The following GRAMD1B variants were observed in gnomAD, a reference collection of about 807,000 sequenced individuals.
GRAMD1B encodes the protein protein Aster-B.
Under a neutral mutation model 99.7 loss-of-function variants are expected in GRAMD1B, and 37 were observed. That is an observed-to-expected ratio of 0.37 (90% CI 0.29 to 0.49). The LOEUF (loss-of-function observed/expected upper bound fraction) is 0.49. Among genes scored for constraint, GRAMD1B ranks in the 20% least tolerant of loss-of-function variants. The pLI is 0.98. For missense variants in GRAMD1B, 888 were observed against 1,009.2 expected (o/e 0.88, Z 1.63); for synonymous variants, 427 against 387.6 (o/e 1.10, Z -1.19).
chr11:123,498,431 C>T (rs560724339), intron 2 of GRAMD1B, among the ~76,000 whole-genome samples: 5 of 152,354 alleles, frequency 3.3e-5, no homozygotes, highest in African/African-American at 9.6e-5. Flanking sequence ...GGAGGGGAGG[C>T]GCTGGTGATT....
intron 1 of GRAMD1B, among the ~76,000 whole-genome samples, chr11:123,364,051 A>G (rs1051457235): frequency 2.0e-5 from 3 of 152,216 alleles, no homozygotes; most frequent in African/African-American, 7.2e-5. Flanking sequence ...TCTCACTGCC[A>G]TGCACGTGTT....
chr11:123,620,396 C>T (rs1445689263), intron 19 of GRAMD1B, among the ~76,000 whole-genome samples: 1 of 132,688 alleles, frequency 7.5e-6, no homozygotes, highest in Non-Finnish European at 1.5e-5. Context: ...ATTGCTTGAA[C>T]CTGGGAGGTG....
intron 1 of GRAMD1B, among the ~76,000 whole-genome samples, chr11:123,365,868 C>A (rs1017832098): frequency 1.3e-5 from 2 of 152,182 alleles, no homozygotes; most frequent in African/African-American, 4.8e-5. Context: ...TAACTATGAT[C>A]TCCCTCCTTT....
At chr11:123,451,911 G>A (rs12574150) in intron 1 of GRAMD1B, among the ~76,000 whole-genome samples, 20,181 of 152,072 alleles carry the variant, frequency 0.13, 1,780 homozygotes, top group East Asian at 0.34. Context: ...ATAGCTCACT[G>A]CAGCCTCTAA....
intron 2 of GRAMD1B, among the ~76,000 whole-genome samples, chr11:123,563,588 T>A (rs1947038326): frequency 6.6e-6 from 1 of 151,746 alleles, no homozygotes; most frequent in Non-Finnish European, 1.5e-5. Context: ...GTCGGCTCAC[T>A]GCAACCTCTG....
In GRAMD1B at chr11:123,568,440, T is replaced by G. The variant is rs1467218791; in HGVS notation, c.453-8927T>G. Among the ~76,000 whole-genome samples the G allele has an allele frequency of 2.0e-5, 3 of 152,208 alleles. No individual in the cohort carries two copies. The East Asian group carries it at 5.8e-4, about 29-fold the overall frequency. On this transcript the variant is annotated intron_variant, in intron 2 of 19. Transcript: ENST00000635736. Reference sequence around the variant, plus strand: ...GGGCAGATCCTGTCCCTGAACACCTTGTACACTTCACCCAAGATCCCCATT... The same window carrying G: ...GGGCAGATCCTGTCCCTGAACACCTGGTACACTTCACCCAAGATCCCCATT...
intron 1 of GRAMD1B, among the ~76,000 whole-genome samples, chr11:123,398,285 C>T (rs754798837): frequency 5.3e-5 from 8 of 152,192 alleles, no homozygotes; most frequent in Non-Finnish European, 1.0e-4. Flanking sequence ...TTCAAGAAGG[C>T]ACTGGTGAGG....
At chr11:123,475,022 A>G (rs989771246) in intron 1 of GRAMD1B, among the ~76,000 whole-genome samples, 2 of 152,098 alleles carry the variant, frequency 1.3e-5, no homozygotes, top group Non-Finnish European at 2.9e-5. Flanking sequence ...GAAGAGAAAG[A>G]GCTGTTTCTC....
intron 1 of GRAMD1B, among the ~76,000 whole-genome samples, chr11:123,440,459 A>G (rs1044977727): frequency 6.6e-6 from 1 of 152,190 alleles, no homozygotes; most frequent in Non-Finnish European, 1.5e-5. Flanking sequence ...CAGTGACCCA[A>G]GATAGCGCCA....
intron 1 of GRAMD1B, among the ~76,000 whole-genome samples, chr11:123,409,190 G>T (rs1008452333): frequency 6.6e-6 from 1 of 152,130 alleles, no homozygotes; most frequent in Non-Finnish European, 1.5e-5. Context: ...TGATAATTAT[G>T]GTAATTTGGA....
intron 3 of GRAMD1B, among the ~76,000 whole-genome samples, chr11:123,579,695 C>T (rs969676241): frequency 6.6e-6 from 1 of 152,110 alleles, no homozygotes; most frequent in Non-Finnish European, 1.5e-5. Context: ...GCATCAGGCT[C>T]CCCACTCCCT....
intron 14 of GRAMD1B, among the ~76,000 whole-genome samples, chr11:123,611,126 C>A (rs139458435): frequency 6.6e-6 from 1 of 152,284 alleles, no homozygotes; most frequent in Non-Finnish European, 1.5e-5. Flanking sequence ...GCACAGAGAT[C>A]TCTTGGGCTT....
Position 123,600,548 on chromosome 11 carries a change from G to A in GRAMD1B, c.1050G>A (p.Lys350=), listed in dbSNP as rs1951816610. 5 of 1,605,010 alleles carry A rather than the reference G, an allele frequency of 3.1e-6. No homozygotes were observed. The highest frequency in any genetic ancestry group is 1.3e-5 in the African/African-American group (1 of 74,856). Residue 350 remains lysine (K), a splice_region_variant and synonymous_variant, in exon 8 of 20, where the codon AAG becomes AAA. Transcript: ENST00000635736. ...TCTGGCAGAATGCTCTCCTTGAAAA[G>A]GTAAGTACGGCCGAGTTTGCTTTTA... ...FRLWQNALLE[K]PLCPKELWHF...
intron 4 of GRAMD1B, among the ~76,000 whole-genome samples, chr11:123,584,687 A>C (rs1201845000): frequency 6.6e-6 from 1 of 152,076 alleles, no homozygotes; most frequent in African/African-American, 2.4e-5. Context: ...GCCTGAACTT[A>C]GTTTTCTTCC....
chr11:123,472,374 G>A (rs995188165), intron 1 of GRAMD1B, among the ~76,000 whole-genome samples: 3 of 152,198 alleles, frequency 2.0e-5, no homozygotes, highest in Non-Finnish European at 4.4e-5. Context: ...CTGGAGTGCA[G>A]TGGTGTGATA....
intron 3 of GRAMD1B, among the ~76,000 whole-genome samples, chr11:123,582,319 G>A (rs901982516): frequency 9.2e-5 from 14 of 152,240 alleles, no homozygotes; most frequent in African/African-American, 3.4e-4. Context: ...GGTAGCCTTG[G>A]CTGCAATGCC....
chr11:123,564,954 T>A (rs1947181261), intron 2 of GRAMD1B, among the ~76,000 whole-genome samples: 1 of 152,236 alleles, frequency 6.6e-6, no homozygotes, highest in African/African-American at 2.4e-5. Context: ...GCTTCTGAAA[T>A]ACTTTGGGTG....
At chr11:123,361,296 C>T (rs1301257411) in intron 1 of GRAMD1B, among the ~76,000 whole-genome samples, 1 of 152,210 alleles carries the variant, frequency 6.6e-6, no homozygotes, top group Non-Finnish European at 1.5e-5. Flanking sequence ...TCTGCAGCTG[C>T]ACTCCAGAGG....
In GRAMD1B at chr11:123,626,075, T is replaced by C. The variant is rs1225342797; in HGVS notation, c.*3480T>C. The C allele has an allele frequency of 6.6e-6, 1 of 152,238 alleles. No individual in the cohort carries two copies. Among genetic ancestry groups the C allele is most frequent in the Non-Finnish European group, 1.5e-5 (1 of 68,066 alleles). 9.4% of individuals were successfully genotyped at this position (152,238 alleles called of 1,614,324 possible). A position where few individuals can be genotyped will look rare whatever the true frequency, so the allele number is the denominator to read the frequency against. On this transcript the variant is annotated 3_prime_UTR_variant, in exon 20 of 20. Coordinates refer to ENST00000635736, the MANE Select transcript of GRAMD1B (RefSeq NM_001387025.1). ...GATCTTCCTTTGGACTTTCTCTAAG[T>C]TGGGAGAAGAACATTCTTTTCAATG...
Sources: allele counts gnomAD v4.1 joint callset (sites outside exome capture counted in the v4.1 genomes callset), GRCh38; gene constraint gnomAD v4.1.1; transcripts MANE v1.5; gene names NCBI Gene and HGNC (gene_info 2026-07-23, HGNC 2026-07-21).